Variants in COL25A1 observed in about 807,000 individuals in gnomAD.
The protein encoded by COL25A1 is collagen alpha-1(XXV) chain.
A neutral mutation model predicts 128.4 loss-of-function variants in COL25A1; 103 were observed. That is an observed-to-expected ratio of 0.80 (90% confidence interval 0.68 to 0.94). The LOEUF is 0.94. Among genes scored for constraint, COL25A1 ranks in the 40% least tolerant of loss-of-function variants. The probability of loss-of-function intolerance (pLI) is 0.00; values close to 1 mark genes in which losing one functional copy is unlikely to be tolerated. For missense variants in COL25A1, 745 were observed against 840.0 expected, an observed-to-expected ratio of 0.89 and a Z score of 1.40; for synonymous variants, 279 against 277.2, an observed-to-expected ratio of 1.01 and a Z score of -0.06.
At chr4:108,837,551 T>G (rs1269793327) in intron 31 of COL25A1, among the ~76,000 whole-genome samples, 1 of 152,192 alleles carries the variant, frequency 6.6e-6, no homozygotes, top group Non-Finnish European at 1.5e-5. Flanking sequence ...GACTCACTAT[T>G]GCCACAAGAA....
At chr4:108,895,453 C>T (rs879732338) in intron 16 of COL25A1, among the ~76,000 whole-genome samples, 2 of 152,066 alleles carry the variant, frequency 1.3e-5, no homozygotes, top group Admixed American at 1.3e-4. Context: ...AACATCCTTC[C>T]TCTGTCAGAG....
rs77776719 is a variant in COL25A1 at position 109,204,010 on chromosome 4, C to T, written c.367+96573G>A. Reference sequence around the variant, plus strand: ...TAAAATCTTCATCTATAAAAGCCAGCTATCAATGGAAAACTTATAATACAC... The same window carrying T: ...TAAAATCTTCATCTATAAAAGCCAGTTATCAATGGAAAACTTATAATACAC... On this transcript the variant is annotated intron_variant, in intron 3 of 37. Transcript: ENST00000399132. Among the ~76,000 whole-genome samples the T allele has an allele frequency of 0.011, 1,634 of 152,138 alleles. 60 individuals carry two copies. The South Asian group carries it at 0.14, about 13-fold the overall frequency.
At chr4:109,159,821 A>G (rs1490379990) in intron 3 of COL25A1, among the ~76,000 whole-genome samples, 2 of 152,174 alleles carry the variant, frequency 1.3e-5, no homozygotes, top group Non-Finnish European at 2.9e-5. Context: ...AACAGAAGAA[A>G]TATTCGTGAG....
chr4:108,906,815 A>T (rs35310070), intron 13 of COL25A1, among the ~76,000 whole-genome samples: 2,761 of 152,252 alleles, frequency 0.018, 42 homozygotes, highest in Non-Finnish European at 0.032. Flanking sequence ...CACAGTGCCT[A>T]TTAAAACCAC....
intron 8 of COL25A1, among the ~76,000 whole-genome samples, chr4:108,943,167 C>G (rs1374065198): frequency 1.3e-5 from 2 of 152,084 alleles, no homozygotes; most frequent in Admixed American, 1.3e-4. Flanking sequence ...GTTTGCTACA[C>G]GAAGCATTTC....
intron 5 of COL25A1, among the ~76,000 whole-genome samples, chr4:109,012,884 C>T (rs1756776605): frequency 6.6e-6 from 1 of 152,214 alleles, no homozygotes; most frequent in Non-Finnish European, 1.5e-5. Context: ...TGGAGGGCAG[C>T]TCCGCCAGCA....
intron 6 of COL25A1, among the ~76,000 whole-genome samples, chr4:109,001,372 C>CAGGCATCTGAGATACTGTCAGGT (rs1579043339): frequency 2.9e-4 from 7 of 24,226 alleles, no homozygotes; most frequent in Non-Finnish European, 6.4e-4. Context: ...TTAAAAGAAA[C>CAGGCATCTGAGATACTGTCAGGT]AGGCATCTGA....
At chr4:109,166,611 TG>T (rs768411687) in intron 3 of COL25A1, among the ~76,000 whole-genome samples, 5 of 152,168 alleles carry the variant, frequency 3.3e-5, no homozygotes, top group Non-Finnish European at 5.9e-5. Context: ...AGTTGTGAAA[TG>T]GGATTTGCAC....
At chr4:108,924,450 A>C (rs1220957186) in intron 11 of COL25A1, among the ~76,000 whole-genome samples, 1 of 152,214 alleles carries the variant, frequency 6.6e-6, no homozygotes, top group Non-Finnish European at 1.5e-5. Context: ...TTAAAGAAAC[A>C]TCATAGACCC....
At chr4:109,297,631 C>G (rs1319223780) in intron 3 of COL25A1, among the ~76,000 whole-genome samples, 1 of 152,024 alleles carries the variant, frequency 6.6e-6, no homozygotes, top group Non-Finnish European at 1.5e-5. Context: ...GTGTTCTAGT[C>G]CAAACCTGCC....
intron 8 of COL25A1, among the ~76,000 whole-genome samples, chr4:108,949,301 A>G (rs749073454): frequency 2.0e-5 from 3 of 152,200 alleles, no homozygotes; most frequent in Non-Finnish European, 4.4e-5. Flanking sequence ...TGATGATGGC[A>G]TTAATAGTGG....
In COL25A1 at chr4:109,110,311, G is replaced by A. The variant is rs1290838589; in HGVS notation, c.368-60132C>T. Among the ~76,000 whole-genome samples, 3 of 152,096 alleles carry A rather than the reference G, an allele frequency of 2.0e-5. No individual in the cohort carries two copies. The East Asian group carries it at 5.8e-4, about 29-fold the overall frequency. The stretch of plus-strand genomic sequence containing the variant: ...GGAAGCCTCATTTATTCTCTGGAGT[G>A]CTTACGTTCTTAGCATCTCCTTGAA... On this transcript the variant is annotated intron_variant, in intron 3 of 37. Coordinates refer to ENST00000399132, the MANE Select transcript of COL25A1 (RefSeq NM_198721.4).
chr4:108,920,956 A>C, intron 11 of COL25A1: 1 of 179,858 alleles, frequency 5.6e-6, no homozygotes, highest in Non-Finnish European at 1.2e-5. Flanking sequence ...AGCAGTTAAA[A>C]TGCAATGTAG....
intron 6 of COL25A1, among the ~76,000 whole-genome samples, chr4:108,981,808 AATAAT>A (rs1753002222): frequency 6.6e-6 from 1 of 152,222 alleles, no homozygotes; most frequent in Admixed American, 6.5e-5. Flanking sequence ...CTGCCCTACC[AATAAT>A]ATAATAGTAA....
chr4:109,294,453 C>T (rs1050381888), intron 3 of COL25A1, among the ~76,000 whole-genome samples: 3 of 151,996 alleles, frequency 2.0e-5, no homozygotes, highest in African/African-American at 4.8e-5. Flanking sequence ...CTGAATAAAT[C>T]CCAAATGAAG....
At chr4:108,822,205 A>G (rs1731858469) in intron 35 of COL25A1, among the ~76,000 whole-genome samples, 1 of 150,734 alleles carries the variant, frequency 6.6e-6, no homozygotes, top group African/African-American at 2.4e-5. Flanking sequence ...CACCACCCCC[A>G]GCTAATTTTT....
chr4:109,036,121 G>A (rs1422963164), intron 5 of COL25A1, among the ~76,000 whole-genome samples: 1 of 151,852 alleles, frequency 6.6e-6, no homozygotes, highest in African/African-American at 2.4e-5. Context: ...TAGAGACAGG[G>A]TTTCACTGTG....
chr4:109,203,310 C>G (rs1173240498), intron 3 of COL25A1, among the ~76,000 whole-genome samples: 6 of 152,062 alleles, frequency 3.9e-5, no homozygotes, highest in Admixed American at 3.9e-4. Flanking sequence ...AAGTACAATT[C>G]TTTACTAACT....
At chr4:109,230,230 T>C (rs7673816) in intron 3 of COL25A1, among the ~76,000 whole-genome samples, 58,681 of 151,906 alleles carry the variant, frequency 0.39, 12,429 homozygotes, top group African/African-American at 0.55. Context: ...TGCAAGTAGG[T>C]GAATTGCAAA....
Sources: gnomAD v4.1 joint callset for allele counts (sites outside exome capture counted in the v4.1 genomes callset) on GRCh38, gnomAD v4.1.1 for gene constraint, MANE v1.5 for transcripts, NCBI Gene and HGNC (gene_info 2026-07-23, HGNC 2026-07-21) for gene names.